The following PCSK6 variants were observed in gnomAD, a reference collection of about 807,000 sequenced individuals.
The protein encoded by PCSK6 is paired basic amino acid cleaving enzyme 4.
Under a neutral mutation model 123.3 loss-of-function variants are expected in PCSK6, and 85 were observed. That is an observed-to-expected ratio of 0.69 (90% CI 0.58 to 0.83). The LOEUF (loss-of-function observed/expected upper bound fraction) is 0.83, where lower values mean the gene tolerates loss of function less well. Among genes scored for constraint, PCSK6 ranks in the 40% least tolerant of loss-of-function variants. PCSK6 has a pLI of 0.00. For missense variants in PCSK6, 1,191 were observed against 1,282.3 expected (o/e 0.93, Z 1.09); for synonymous variants, 508 against 516.0 (o/e 0.98, Z 0.21).
chr15:101,348,254 TG>T (rs1028459537), intron 13 of PCSK6, among the ~76,000 whole-genome samples: 1 of 152,134 alleles, frequency 6.6e-6, no homozygotes, highest in African/African-American at 2.4e-5. Flanking sequence ...TGGGGGAGGC[TG>T]GGGGAGCCGA....
chr15:101,346,652 G>T, intron 13 of PCSK6: 1 of 723,330 alleles, frequency 1.4e-6, no homozygotes, highest in Admixed American at 4.4e-5. Context: ...ATGCCCAAGC[G>T]TACCTCATTC....
intron 9 of PCSK6, among the ~76,000 whole-genome samples, chr15:101,386,360 C>T (rs922746500): frequency 2.6e-5 from 4 of 152,136 alleles, no homozygotes; most frequent in South Asian, 2.1e-4. Context: ...TGTGCGAAGA[C>T]GTACAGAACA....
At chr15:101,420,211 A>G (rs1302741723) in intron 6 of PCSK6, among the ~76,000 whole-genome samples, 1 of 150,560 alleles carries the variant, frequency 6.6e-6, no homozygotes, top group Non-Finnish European at 1.5e-5. Flanking sequence ...AAAAAAAGCT[A>G]AACAGGAAAG....
intron 16 of PCSK6, among the ~76,000 whole-genome samples, chr15:101,325,827 C>T (rs549761407): frequency 6.6e-6 from 1 of 152,248 alleles, no homozygotes; most frequent in Non-Finnish European, 1.5e-5. Flanking sequence ...AACCGGGCAA[C>T]TGGCCATATA....
intron 2 of PCSK6, among the ~76,000 whole-genome samples, chr15:101,436,264 A>C (rs2056597197): frequency 6.6e-6 from 1 of 152,128 alleles, no homozygotes. Flanking sequence ...AAGGCCACGA[A>C]GGGCATACAC....
At chr15:101,481,502 G>A (rs1454928666) in intron 1 of PCSK6, among the ~76,000 whole-genome samples, 1 of 152,174 alleles carries the variant, frequency 6.6e-6, no homozygotes, top group Non-Finnish European at 1.5e-5. Flanking sequence ...GGGATGGGCA[G>A]AGCTGCAGCT....
intron 11 of PCSK6, among the ~76,000 whole-genome samples, chr15:101,381,719 A>G (rs1022467152): frequency 3.3e-5 from 5 of 152,204 alleles, no homozygotes; most frequent in Non-Finnish European, 5.9e-5. Flanking sequence ...GTGGTGACAG[A>G]AAGGACACCT....
At position 101,364,174 on chromosome 15, in the gene PCSK6, G is replaced by A. The variant is rs115362075; in HGVS notation, c.1858+2022C>T. ...AACCAGGGCAGGGGAAGGTTCTCAC[G>A]CACTCCCAGGGTGACCAAGAAGCAG... On this transcript the variant is annotated intron_variant, in intron 13 of 21. Transcript: ENST00000611716. Among the ~76,000 whole-genome samples, 487 of 151,996 alleles carry A rather than the reference G, an allele frequency of 3.2e-3. 6 individuals carry two copies. The highest frequency in any genetic ancestry group is 0.011 in the African/African-American group (456 of 41,328).
intron 13 of PCSK6, among the ~76,000 whole-genome samples, chr15:101,339,909 CAATA>C (rs1483531254): frequency 9.4e-6 from 1 of 105,946 alleles, no homozygotes; most frequent in African/African-American, 4.6e-5. Flanking sequence ...GACCCTTTCT[CAATA>C]TATATATATA....
At chr15:101,338,027 C>A (rs770183982) in intron 13 of PCSK6, among the ~76,000 whole-genome samples, 1 of 152,196 alleles carries the variant, frequency 6.6e-6, no homozygotes, top group African/African-American at 2.4e-5. Context: ...TGATACAACA[C>A]GTTAATGTCT....
chr15:101,358,448 C>G (rs953492003), intron 13 of PCSK6, among the ~76,000 whole-genome samples: 3 of 152,154 alleles, frequency 2.0e-5, no homozygotes, highest in African/African-American at 7.2e-5. Flanking sequence ...TCACTGGTGG[C>G]CCTTGGGCCC....
Position 101,354,358 on chromosome 15 carries a change from T to C in PCSK6, c.1858+11838A>G, listed in dbSNP as rs117110086. On this transcript the variant is annotated intron_variant, in intron 13 of 21. Transcript: ENST00000611716. ...ACTCTCCCTCACACATGCACACATA[T>C]ATACACCCAAGCACACACTCCCATA... Among the ~76,000 whole-genome samples the C allele has an allele frequency of 3.4e-4, 52 of 152,276 alleles. No homozygotes were observed. In the East Asian group the frequency reaches 8.7e-3, roughly 25 times the overall value.
Position 101,469,906 on chromosome 15 carries a change from T to G in PCSK6, c.297+19468A>C, listed in dbSNP as rs2057562591. ...GCTTTCCTAGTCTGACTCCAAGGCC[T>G]GACGCTGGAAGGACGTGCTGTTTCT... On this transcript the variant is annotated intron_variant, in intron 1 of 21. Transcript: ENST00000611716. Among the ~76,000 whole-genome samples the G allele has an allele frequency of 2.0e-5, 3 of 152,242 alleles. No individual in the cohort carries two copies. In the South Asian group the frequency reaches 6.2e-4, roughly 32 times the overall value.
chr15:101,430,518 T>A (rs2056413826), intron 4 of PCSK6, among the ~76,000 whole-genome samples: 4 of 152,262 alleles, frequency 2.6e-5, no homozygotes, highest in Admixed American at 2.6e-4. Context: ...TTATCCACGT[T>A]TCCACGTGGG....
chr15:101,415,567 A>C (rs2141072221), intron 6 of PCSK6, among the ~76,000 whole-genome samples: 1 of 152,364 alleles, frequency 6.6e-6, no homozygotes, highest in Non-Finnish European at 1.5e-5. Flanking sequence ...TGCAATCCCT[A>C]ATCTGATACA....
intron 19 of PCSK6, among the ~76,000 whole-genome samples, chr15:101,317,056 C>T (rs58849299): frequency 6.1e-4 from 93 of 151,974 alleles, no homozygotes; most frequent in Middle Eastern, 3.4e-3. Flanking sequence ...GGATTACAGG[C>T]GCCTGCCACC....
chr15:101,359,282 T>C (rs2141431941), intron 13 of PCSK6, among the ~76,000 whole-genome samples: 1 of 152,318 alleles, frequency 6.6e-6, no homozygotes, highest in Non-Finnish European at 1.5e-5. Flanking sequence ...AGCTGGAAGG[T>C]ACCACAAGGT....
At chr15:101,432,203 G>T in intron 2 of PCSK6, 103 bp from the exon 3 acceptor site, 2 of 895,374 alleles carry the variant, frequency 2.2e-6, no homozygotes, top group Non-Finnish European at 1.8e-6. Context: ...GAATATCTGT[G>T]TCATAGCAGA....
At chr15:101,400,147 C>T (rs2141580973) in intron 6 of PCSK6, among the ~76,000 whole-genome samples, 1 of 152,320 alleles carries the variant, frequency 6.6e-6, no homozygotes, top group African/African-American at 2.4e-5. Flanking sequence ...ACCTCAGCCT[C>T]CCGAGTAGCT....
Sources: allele counts gnomAD v4.1 joint callset (sites outside exome capture counted in the v4.1 genomes callset), GRCh38; gene constraint gnomAD v4.1.1; transcripts MANE v1.5; gene names NCBI Gene and HGNC (gene_info 2026-07-23, HGNC 2026-07-21).